The following EXD1 variants were observed in gnomAD, a reference collection of about 807,000 sequenced individuals.
EXD1 encodes piRNA biogenesis protein EXD1.
EXD1 carries 63 observed loss-of-function variants against 49.1 expected under a neutral mutation model. That is an observed-to-expected ratio of 1.28 (90% confidence interval 1.05 to 1.58). The LOEUF (loss-of-function observed/expected upper bound fraction) is 1.58, where lower values mean the gene tolerates loss of function less well. Among genes scored for constraint, EXD1 ranks in the 40% most tolerant of loss-of-function variants. The pLI is 0.00. For missense variants in EXD1, 748 were observed against 666.0 expected (o/e 1.12, Z -1.36); for synonymous variants, 234 against 239.2 (o/e 0.98, Z 0.20).
At chr15:41,223,032 C>A (rs1470011276) in intron 2 of EXD1, among the ~76,000 whole-genome samples, 1 of 152,072 alleles carries the variant, frequency 6.6e-6, no homozygotes, top group African/African-American at 2.4e-5. Context: ...CTCACTGCAG[C>A]CTCGAACTCC....
chr15:41,221,768 G>A (rs974822286), intron 2 of EXD1, among the ~76,000 whole-genome samples: 11 of 151,698 alleles, frequency 7.3e-5, no homozygotes, highest in African/African-American at 2.4e-4. Context: ...TCTCCAGCAT[G>A]GACTATTCTT....
At chr15:41,227,409 C>G in intron 1 of EXD1, among the ~76,000 whole-genome samples, 1 of 152,116 alleles carries the variant, frequency 6.6e-6, no homozygotes, top group South Asian at 2.1e-4. Flanking sequence ...GTGGCTCATG[C>G]CTGTAATCCC....
chr15:41,185,865 G>A (rs2046399559), intron 11 of EXD1, among the ~76,000 whole-genome samples: 1 of 152,072 alleles, frequency 6.6e-6, no homozygotes, highest in African/African-American at 2.4e-5. Context: ...CAAAAATCTA[G>A]TAATTTTTAC....
At chr15:41,195,682 A>G in intron 9 of EXD1, 93 bp downstream of exon 9, 1 of 906,336 alleles carries the variant, frequency 1.1e-6, no homozygotes. Flanking sequence ...AAAAAAAATT[A>G]AAAAGACTTT....
In EXD1 at chr15:41,225,161, G is replaced by C. The variant is rs527869662; in HGVS notation, c.133+1282C>G. Among the ~76,000 whole-genome samples the C allele has an allele frequency of 9.9e-5, 15 of 152,268 alleles. No individual in the cohort carries two copies. In the South Asian group the frequency reaches 2.9e-3, roughly 29 times the overall value. On this transcript the variant is annotated intron_variant, in intron 2 of 11. Transcript: ENST00000458580. Reference sequence around the variant, plus strand: ...GCTGGTGTCTTTCAGCCATTGCACTGTTCTTCAGCTGCCTACCTCTTTACT... The same window carrying C: ...GCTGGTGTCTTTCAGCCATTGCACTCTTCTTCAGCTGCCTACCTCTTTACT...
intron 7 of EXD1, among the ~76,000 whole-genome samples, chr15:41,199,543 A>G (rs972587425): frequency 6.8e-6 from 1 of 147,908 alleles, no homozygotes; most frequent in Non-Finnish European, 1.5e-5. Context: ...TCTTCCATCT[A>G]AGAGTTTATC....
chr15:41,199,214 C>A (rs867548658), intron 7 of EXD1, among the ~76,000 whole-genome samples: 3 of 151,848 alleles, frequency 2.0e-5, no homozygotes, highest in Non-Finnish European at 4.4e-5. Flanking sequence ...CTGCCTTGGC[C>A]TCCTTGGGAT....
chr15:41,187,149 G>A (rs1398994952), intron 11 of EXD1, among the ~76,000 whole-genome samples: 2 of 151,944 alleles, frequency 1.3e-5, no homozygotes, highest in Non-Finnish European at 1.5e-5. Flanking sequence ...CTCCCAAAGT[G>A]CTGGGATTAC....
Position 41,226,532 on chromosome 15 carries a change from C to T in EXD1, c.44G>A (p.Trp15Ter). The change falls in exon 2 of 12, where the codon TGG (tryptophan) becomes TAG (stop). Residue 15 changes from tryptophan (W) to a stop codon, truncating the protein, a stop_gained. Coordinates refer to ENST00000458580, the MANE Select transcript of EXD1 (RefSeq NM_001286441.2). LOFTEE classifies it high-confidence loss of function. ...SDYHFLSQIL[W>*]KRVKLTLVCG... The stretch of plus-strand genomic sequence containing the variant: ...GACCAATGTGAGTTTCACCCTCTTC[C>T]ACAAAATCTGGCTGAGGAAATGGTA... 6.5e-7 allele frequency: 1 copy of T among 1,536,066 alleles called. No homozygotes were observed. Among genetic ancestry groups the T allele is most frequent in the Non-Finnish European group, 8.7e-7 (1 of 1,146,870 alleles).
intron 6 of EXD1, among the ~76,000 whole-genome samples, chr15:41,213,160 C>CA (rs1215197571): frequency 3.3e-5 from 5 of 151,794 alleles, no homozygotes; most frequent in East Asian, 1.9e-4. Flanking sequence ...CAAAGCCTGT[C>CA]AAAAAAACTA....
intron 7 of EXD1, among the ~76,000 whole-genome samples, chr15:41,197,229 C>CTTTTTTTT (rs976999245): frequency 7.5e-6 from 1 of 133,178 alleles, no homozygotes; most frequent in Non-Finnish European, 1.6e-5. Context: ...TTTCTTTTTT[C>CTTTTTTTT]TTTTTTTTTT....
intron 11 of EXD1, among the ~76,000 whole-genome samples, 196 bp downstream of exon 11, chr15:41,189,741 G>C (rs2046475530): frequency 6.6e-6 from 1 of 151,734 alleles, no homozygotes. Flanking sequence ...TTAGACAGAA[G>C]TATTTCTTGG....
chr15:41,226,731 T>A (rs2047169736), intron 1 of EXD1, 103 bp from the exon 2 acceptor site: 2 of 948,380 alleles, frequency 2.1e-6, no homozygotes, highest in South Asian at 4.7e-5. Flanking sequence ...AAAATCTGAA[T>A]AATTCAGTTT....
chr15:41,220,793 T>A (rs2047076458), intron 2 of EXD1, among the ~76,000 whole-genome samples: 1 of 152,188 alleles, frequency 6.6e-6, no homozygotes, highest in East Asian at 1.9e-4. Context: ...CCACCCTCAC[T>A]ATTCCACTGA....
chr15:41,217,375 T>G (rs996394469), intron 3 of EXD1, among the ~76,000 whole-genome samples: 1 of 152,170 alleles, frequency 6.6e-6, no homozygotes, highest in Non-Finnish European at 1.5e-5. Context: ...GCTTCTTGGT[T>G]ATTTAGAAGG....
Position 41,191,529 on chromosome 15 carries a change from G to A in EXD1, c.777C>T (p.Ile259=), listed in dbSNP as rs762656438. ...METGGYLPNC[I]TTLQESLIKH... is the part of the protein sequence containing the mutation. ...TGATTAAACTCTCCTGCAAAGTAGT[G>A]ATGCAGTTTGGAAGATAGCCACCCG... Residue 259 remains isoleucine (I), a synonymous_variant, in exon 10 of 12, where the codon ATC becomes ATT. Transcript: ENST00000458580. 1 of 1,613,896 alleles carries A rather than the reference G, an allele frequency of 6.2e-7. No homozygotes were observed. The highest frequency in any genetic ancestry group is 1.1e-5 in the South Asian group (1 of 91,084).
intron 6 of EXD1, among the ~76,000 whole-genome samples, chr15:41,211,145 G>T (rs887549518): frequency 2.0e-5 from 3 of 152,050 alleles, no homozygotes; most frequent in African/African-American, 7.2e-5. Flanking sequence ...GCTCACTGTG[G>T]CATGAACTCC....
At chr15:41,209,876 C>T (rs144952042) in intron 6 of EXD1, among the ~76,000 whole-genome samples, 4 of 152,182 alleles carry the variant, frequency 2.6e-5, no homozygotes, top group East Asian at 1.9e-4. Context: ...CCTTTTGTTA[C>T]CACTGATGCT....
At chr15:41,206,844 ACCC>A (rs1420059296) in intron 7 of EXD1, among the ~76,000 whole-genome samples, 1 of 137,708 alleles carries the variant, frequency 7.3e-6, no homozygotes, top group Admixed American at 7.4e-5. Flanking sequence ...CTAGTCTCAA[ACCC>A]CTGACCTTGT....
Sources: gnomAD v4.1 joint callset for allele counts (sites outside exome capture counted in the v4.1 genomes callset) on GRCh38, gnomAD v4.1.1 for gene constraint, MANE v1.5 for transcripts, NCBI Gene and HGNC (gene_info 2026-07-23, HGNC 2026-07-21) for gene names.